Variants in ARHGAP22 observed in about 807,000 individuals in gnomAD.
The protein encoded by ARHGAP22 is Rho GTPase activating protein 22, also known as rho GTPase-activating protein 22.
In ARHGAP22, 48 loss-of-function variants were observed where a neutral mutation model predicts 59.1. That is an observed-to-expected ratio of 0.81 (90% confidence interval 0.64 to 1.03). The LOEUF is 1.03. Among genes scored for constraint, ARHGAP22 ranks in the 50% least tolerant of loss-of-function variants. The pLI is 0.00. For synonymous variants in ARHGAP22, 445 were observed against 416.4 expected (o/e 1.07, Z -0.84); for missense variants, 1,015 against 958.7 (o/e 1.06, Z -0.78).
At chr10:48,463,611 G>A (rs570398209) in intron 4 of ARHGAP22, among the ~76,000 whole-genome samples, 1 of 152,288 alleles carries the variant, frequency 6.6e-6, no homozygotes, top group East Asian at 1.9e-4. Context: ...CCTGGGTAGC[G>A]CTTTCCTCTT....
At chr10:48,621,190 C>G (rs1377888325) in intron 1 of ARHGAP22, among the ~76,000 whole-genome samples, 1 of 152,138 alleles carries the variant, frequency 6.6e-6, no homozygotes, top group Non-Finnish European at 1.5e-5. Flanking sequence ...AGTAAGTTAT[C>G]TTTTTAAAGG....
At chr10:48,617,176 C>G (rs371169375) in intron 1 of ARHGAP22, among the ~76,000 whole-genome samples, 3 of 152,050 alleles carry the variant, frequency 2.0e-5, no homozygotes, top group East Asian at 3.9e-4. Context: ...CCTATGCACT[C>G]AACACTGGAC....
intron 4 of ARHGAP22, among the ~76,000 whole-genome samples, chr10:48,462,739 C>A (rs1336555377): frequency 6.6e-6 from 1 of 152,224 alleles, no homozygotes; most frequent in Non-Finnish European, 1.5e-5. Flanking sequence ...GGCGCCCCTG[C>A]CCAGAAATGG....
At chr10:48,640,662 T>G (rs181602356) in intron 1 of ARHGAP22, among the ~76,000 whole-genome samples, 106 of 152,322 alleles carry the variant, frequency 7.0e-4, no homozygotes, top group African/African-American at 2.5e-3. Context: ...TAAAGATATT[T>G]CCAGAAAAAC....
At chr10:48,646,630 C>A (rs957329382) in intron 1 of ARHGAP22, among the ~76,000 whole-genome samples, 1 of 152,010 alleles carries the variant, frequency 6.6e-6, no homozygotes, top group Non-Finnish European at 1.5e-5. Context: ...TATCCATAAG[C>A]GAAACAGCAG....
At position 48,582,668 on chromosome 10, in the gene ARHGAP22, A is replaced by C. The variant is rs2059189245; in HGVS notation, c.234+285T>G. ...CCTTCTTGGAAGCATGAAGGGGCCA[A>C]AAAGAACATGGAAGACGTTGTTTTC... On this transcript the variant is annotated intron_variant, in intron 2 of 9. Coordinates refer to ENST00000249601, the MANE Select transcript of ARHGAP22 (RefSeq NM_021226.4). The C allele has an allele frequency of 1.5e-5, 7 of 477,418 alleles. No homozygotes were observed. In the Admixed American group the frequency reaches 2.3e-4, roughly 16 times the overall value. The allele number at this position is 477,418 out of a possible 1,614,324, so 29.6% of individuals were successfully genotyped here. A position where few individuals can be genotyped will look rare whatever the true frequency, so the allele number is the denominator to read the frequency against.
rs561856364 is a variant in ARHGAP22 at position 48,509,194 on chromosome 10, G to A, written c.323-29430C>T. Among the ~76,000 whole-genome samples, 7 of 152,340 alleles carry A rather than the reference G, an allele frequency of 4.6e-5. No individual in the cohort carries two copies. In the South Asian group the frequency reaches 6.2e-4, roughly 14 times the overall value. ...GAAGGGCAGTGGTCTCACCTGCAGAGTGCAGCATGCCATCCTGCACTCAGC... is the reference window on the plus strand; with the variant it reads ...GAAGGGCAGTGGTCTCACCTGCAGAATGCAGCATGCCATCCTGCACTCAGC... On this transcript the variant is annotated intron_variant, in intron 3 of 9. Coordinates refer to ENST00000249601, the MANE Select transcript of ARHGAP22 (RefSeq NM_021226.4).
intron 3 of ARHGAP22, among the ~76,000 whole-genome samples, chr10:48,535,283 C>A (rs1327228055): frequency 6.6e-6 from 1 of 152,200 alleles, no homozygotes; most frequent in Admixed American, 6.5e-5. Context: ...GTGGCTTAAT[C>A]CCCTAAAGAC....
intron 3 of ARHGAP22, among the ~76,000 whole-genome samples, chr10:48,483,503 G>A (rs950714539): frequency 6.6e-6 from 1 of 152,108 alleles, no homozygotes; most frequent in Non-Finnish European, 1.5e-5. Flanking sequence ...CATAATGACT[G>A]TGTTAATTTA....
upstream of ARHGAP22, among the ~76,000 whole-genome samples, chr10:48,608,020 T>C (rs1389040058): frequency 1.3e-5 from 2 of 152,218 alleles, no homozygotes; most frequent in Non-Finnish European, 2.9e-5. Flanking sequence ...TGACAGTGAA[T>C]TCCTGTGTCC....
At chr10:48,445,799 T>A (rs1441935910), downstream of ARHGAP22, 1 of 65,280 alleles carries the variant, frequency 1.5e-5, no homozygotes, top group African/African-American at 5.5e-5. Context: ...GAGGTCCAGA[T>A]GGCTACGGGG....
At chr10:48,491,007 C>G (rs547222048) in intron 3 of ARHGAP22, among the ~76,000 whole-genome samples, 1 of 152,246 alleles carries the variant, frequency 6.6e-6, no homozygotes, top group Non-Finnish European at 1.5e-5. Context: ...CTGGTCTGGG[C>G]CACCACCACT....
chr10:48,505,040 G>A (rs1026907574), intron 3 of ARHGAP22, among the ~76,000 whole-genome samples: 1 of 81,752 alleles, frequency 1.2e-5, no homozygotes, highest in Non-Finnish European at 2.2e-5. Flanking sequence ...TCTGTCTCCA[G>A]AAACTACATT....
intron 1 of ARHGAP22, among the ~76,000 whole-genome samples, chr10:48,643,935 G>A (rs1308490107): frequency 6.6e-6 from 1 of 152,064 alleles, no homozygotes; most frequent in Non-Finnish European, 1.5e-5. Context: ...ATCACCTGAG[G>A]TGGGGAGTTT....
At chr10:48,536,044 G>A (rs913382800) in intron 3 of ARHGAP22, among the ~76,000 whole-genome samples, 1 of 152,206 alleles carries the variant, frequency 6.6e-6, no homozygotes, top group Admixed American at 6.5e-5. Flanking sequence ...GGCTGGCCTG[G>A]GTCCTGTTCA....
chr10:48,570,926 A>C (rs1442067291), intron 2 of ARHGAP22, among the ~76,000 whole-genome samples: 3 of 152,184 alleles, frequency 2.0e-5, no homozygotes, highest in Admixed American at 2.0e-4. Context: ...CTTCTGGGAA[A>C]CTGCCCTGCT....
chr10:48,628,467 T>C (rs2136079176), intron 1 of ARHGAP22, among the ~76,000 whole-genome samples: 1 of 152,188 alleles, frequency 6.6e-6, no homozygotes, highest in South Asian at 2.1e-4. Context: ...ACCAGGTGGC[T>C]CCTGTCTGTT....
chr10:48,566,055 G>A (rs1564894440), intron 2 of ARHGAP22, among the ~76,000 whole-genome samples: 1 of 152,194 alleles, frequency 6.6e-6, no homozygotes, highest in Admixed American at 6.5e-5. Context: ...TTTGCAGTCT[G>A]AATTCAGCTC....
At chr10:48,566,705 C>T (rs1350421915) in intron 2 of ARHGAP22, among the ~76,000 whole-genome samples, 1 of 152,216 alleles carries the variant, frequency 6.6e-6, no homozygotes, top group East Asian at 1.9e-4. Context: ...TGTCATGAGG[C>T]TATCCATGGT....
Sources: allele counts gnomAD v4.1 joint callset (sites outside exome capture counted in the v4.1 genomes callset), GRCh38; gene constraint gnomAD v4.1.1; transcripts MANE v1.5; gene names NCBI Gene and HGNC (gene_info 2026-07-23, HGNC 2026-07-21).